Variants in NHEJ1 observed in about 807,000 individuals in gnomAD.
NHEJ1 encodes the protein non-homologous end joining factor 1.
A neutral mutation model predicts 39.4 loss-of-function variants in NHEJ1; 22 were observed. The observed-to-expected ratio is 0.56, with a 90% CI of 0.40 to 0.80. The LOEUF is 0.80. Ranked by LOEUF, NHEJ1 falls within the 30% of genes least tolerant of loss-of-function variation. NHEJ1 has a pLI of 0.00. For missense variants in NHEJ1, 329 were observed against 357.1 expected (o/e 0.92, Z 0.63); for synonymous variants, 154 against 135.6 (o/e 1.14, Z -0.94).
intron 5 of NHEJ1, among the ~76,000 whole-genome samples, chr2:219,097,818 C>A (rs540726056): frequency 9.2e-5 from 14 of 152,134 alleles, no homozygotes; most frequent in Admixed American, 2.6e-4. Flanking sequence ...GCTGAAGATA[C>A]AGGGATAAAG....
intron 5 of NHEJ1, among the ~76,000 whole-genome samples, chr2:219,112,588 A>G (rs1445716436): frequency 3.3e-5 from 5 of 152,148 alleles, no homozygotes; most frequent in African/African-American, 1.2e-4. Context: ...TTGCAGGATA[A>G]CAGGGAGGCC....
At chr2:219,112,631 C>T (rs1264705760) in intron 5 of NHEJ1, among the ~76,000 whole-genome samples, 2 of 152,114 alleles carry the variant, frequency 1.3e-5, no homozygotes, top group African/African-American at 4.8e-5. Context: ...AAGTCATACT[C>T]AGGTTGCAAA....
In NHEJ1 at chr2:219,069,820, T is replaced by C. The variant is rs1029041305; in HGVS notation, c.*6561A>G. 6.6e-6 allele frequency: 1 copy of C among 152,212 alleles called. No individual in the cohort carries two copies. The highest frequency in any genetic ancestry group is 2.4e-5 in the African/African-American group (1 of 41,450). The allele number at this position is 152,212 out of a possible 1,614,324, so 9.4% of individuals were successfully genotyped here. ...GGGAGATATAGGAAGCCTATAAAGT[T>C]GGCTTAAACCTCATGTTGATTAAAC... On this transcript the variant is annotated 3_prime_UTR_variant, in exon 8 of 8. Transcript: ENST00000356853.
chr2:219,077,264 T>G lies in NHEJ1; in HGVS notation c.807A>C (p.Ala269=). 1 of 1,613,168 alleles carries G rather than the reference T, an allele frequency of 6.2e-7. No individual in the cohort carries two copies. The highest frequency in any genetic ancestry group is 2.2e-5 in the East Asian group (1 of 44,874). ...QLVSSAPTLS[A]PEKESTGTSG... ...GACTCACCGTGGACTCTTTCTCAGG[T>G]GCTGAGAGGGTTGGGGCTGAGGAGA... is the stretch of plus-strand genomic sequence containing the variant. Residue 269 remains alanine (A), a synonymous_variant, in exon 7 of 8, where the codon GCA becomes GCC. Transcript: ENST00000356853.
At position 219,157,249 on chromosome 2, in the gene NHEJ1, C is replaced by T. The variant is rs374100120; in HGVS notation, c.390+223G>A. On this transcript the variant is annotated intron_variant, in intron 3 of 7. Transcript: ENST00000356853. Reference sequence around the variant, plus strand: ...GCCCATTGTAGATGCTTTTAAAATGCTGAATAAATTAATTAATGAATAAAG... The same window carrying T: ...GCCCATTGTAGATGCTTTTAAAATGTTGAATAAATTAATTAATGAATAAAG... Among the ~76,000 whole-genome samples, 23 of 152,272 alleles carry T rather than the reference C, an allele frequency of 1.5e-4. No individual in the cohort carries two copies. The East Asian group carries it at 1.9e-3, about 13-fold the overall frequency.
At position 219,074,154 on chromosome 2, in the gene NHEJ1, G is replaced by A. The variant is rs1049516847; in HGVS notation, c.*2227C>T. On this transcript the variant is annotated 3_prime_UTR_variant, in exon 8 of 8. Transcript: ENST00000356853. ...GAGACAGCAACCTTTGGGGATGATG[G>A]GGGCAGTGGATGGAAGGTTACTAGC... Among the ~76,000 whole-genome samples, 1 of 152,226 alleles carries A rather than the reference G, an allele frequency of 6.6e-6. No homozygotes were observed. Among genetic ancestry groups the A allele is most frequent in the Non-Finnish European group, 1.5e-5 (1 of 68,032 alleles).
chr2:219,074,715 C>A lies in NHEJ1; in HGVS notation c.*1666G>T, dbSNP rs1362467788. Reference sequence around the variant, plus strand: ...CAAAATTGTGCGATTGTACTCCAGCCTAGGCAACAAGAGCAAGACTCCATT... The same window carrying A: ...CAAAATTGTGCGATTGTACTCCAGCATAGGCAACAAGAGCAAGACTCCATT... On this transcript the variant is annotated 3_prime_UTR_variant, in exon 8 of 8. Coordinates refer to ENST00000356853, the MANE Select transcript of NHEJ1 (RefSeq NM_024782.3). 6.6e-6 allele frequency among the ~76,000 whole-genome samples: 1 copy of A among 151,078 alleles called. No individual in the cohort carries two copies. The highest frequency in any genetic ancestry group is 1.5e-5 in the Non-Finnish European group (1 of 67,874).
chr2:219,077,021 G>C (rs1401327113), intron 7 of NHEJ1, among the ~76,000 whole-genome samples: 1 of 152,214 alleles, frequency 6.6e-6, no homozygotes, highest in Non-Finnish European at 1.5e-5. Flanking sequence ...TGAAAGAGGA[G>C]TCAAGGCACA....
At chr2:219,080,663 A>T (rs908503738) in intron 5 of NHEJ1, among the ~76,000 whole-genome samples, 3 of 81,052 alleles carry the variant, frequency 3.7e-5, no homozygotes, top group African/African-American at 1.1e-4. Flanking sequence ...TAATATATAT[A>T]AGCTTTTATA....
intron 5 of NHEJ1, among the ~76,000 whole-genome samples, chr2:219,136,277 A>C (rs902151398): frequency 2.9e-5 from 4 of 135,764 alleles, no homozygotes; most frequent in East Asian, 2.1e-4. Flanking sequence ...ATGTATTCCC[A>C]CTTGGTTTCT....
intron 3 of NHEJ1, among the ~76,000 whole-genome samples, chr2:219,152,775 ATTTATTTATTTATT>A (rs1209137102): frequency 7.2e-6 from 1 of 138,288 alleles, no homozygotes. Flanking sequence ...GATCTCTTTC[ATTTATTTATTTATT>A]TTTATTTATT....
At chr2:219,147,005 T>C (rs1324216714) in intron 4 of NHEJ1, among the ~76,000 whole-genome samples, 1 of 152,232 alleles carries the variant, frequency 6.6e-6, no homozygotes, top group East Asian at 1.9e-4. Flanking sequence ...ATTGAATTTT[T>C]ATTCTGAAGT....
intron 5 of NHEJ1, chr2:219,095,138 G>A: frequency 2.7e-6 from 1 of 376,476 alleles, no homozygotes. Context: ...AAGGTGGGCA[G>A]TGGGTGTGGC....
Position 219,123,602 on chromosome 2 carries a change from A to T in NHEJ1, c.588+23078T>A, listed in dbSNP as rs189539924. Among the ~76,000 whole-genome samples, 16 of 152,372 alleles carry T rather than the reference A, an allele frequency of 1.1e-4. No homozygotes were observed. The East Asian group carries it at 2.9e-3, about 28-fold the overall frequency. On this transcript the variant is annotated intron_variant, in intron 5 of 7. Coordinates refer to ENST00000356853, the MANE Select transcript of NHEJ1 (RefSeq NM_024782.3). ...AACTATTAAAAGGAAAGGCAGGTTAAGTAACCCCATGCAGTGGCTGGAATT... is the reference window on the plus strand; with the variant it reads ...AACTATTAAAAGGAAAGGCAGGTTATGTAACCCCATGCAGTGGCTGGAATT...
At chr2:219,097,391 T>A (rs745739856) in intron 5 of NHEJ1, among the ~76,000 whole-genome samples, 1 of 152,148 alleles carries the variant, frequency 6.6e-6, no homozygotes, top group African/African-American at 2.4e-5. Context: ...GAAGGGCCAA[T>A]AGAATCTCTT....
At chr2:219,148,888 CTTT>C (rs377061150) in intron 3 of NHEJ1, among the ~76,000 whole-genome samples, 1 of 146,092 alleles carries the variant, frequency 6.8e-6, no homozygotes, top group South Asian at 2.2e-4. Flanking sequence ...ACAACCCCCC[CTTT>C]TTTTTTTTTG....
At chr2:219,157,881 T>C (rs922342170) in intron 2 of NHEJ1, among the ~76,000 whole-genome samples, 197 bp from the exon 3 acceptor site, 2 of 152,066 alleles carry the variant, frequency 1.3e-5, no homozygotes, top group African/African-American at 4.8e-5. Flanking sequence ...TACTTCACAA[T>C]TCTGCCTTGG....
At chr2:219,143,361 A>G (rs1000382759) in intron 5 of NHEJ1, among the ~76,000 whole-genome samples, 2 of 152,178 alleles carry the variant, frequency 1.3e-5, no homozygotes, top group African/African-American at 2.4e-5. Flanking sequence ...CAGCAGCTAT[A>G]CAGGACATTC....
At chr2:219,090,072 A>G (rs1201928662) in intron 5 of NHEJ1, among the ~76,000 whole-genome samples, 1 of 152,160 alleles carries the variant, frequency 6.6e-6, no homozygotes, top group Non-Finnish European at 1.5e-5. Flanking sequence ...TTGAGCCTCA[A>G]TTTTCTCTCC....
Sources: gnomAD v4.1 joint callset for allele counts (sites outside exome capture counted in the v4.1 genomes callset) on GRCh38, gnomAD v4.1.1 for gene constraint, MANE v1.5 for transcripts, NCBI Gene and HGNC (gene_info 2026-07-23, HGNC 2026-07-21) for gene names.